Variants in PLEKHA8 observed in about 807,000 individuals in gnomAD.
The protein encoded by PLEKHA8 is pleckstrin homology domain containing A8, also known as pleckstrin homology domain-containing family A member 8.
A neutral mutation model predicts 68.2 loss-of-function variants in PLEKHA8; 36 were observed. The observed-to-expected ratio is 0.53, with a 90% CI of 0.40 to 0.70. The LOEUF (loss-of-function observed/expected upper bound fraction) is 0.70, where lower values mean the gene tolerates loss of function less well. Among genes scored for constraint, PLEKHA8 ranks in the 30% least tolerant of loss-of-function variants. The pLI is 0.00. For missense variants in PLEKHA8, 505 were observed against 615.4 expected (o/e 0.82, Z 1.90); for synonymous variants, 211 against 216.1 (o/e 0.98, Z 0.20).
At chr7:30,037,392 C>G (rs1791184316) in intron 1 of PLEKHA8, among the ~76,000 whole-genome samples, 2 of 152,084 alleles carry the variant, frequency 1.3e-5, no homozygotes, top group African/African-American at 4.8e-5. Flanking sequence ...TGGTCTTGAA[C>G]TCCTGGCCTC....
At chr7:30,060,596 C>T (rs1008373280) in intron 9 of PLEKHA8, among the ~76,000 whole-genome samples, 4 of 152,084 alleles carry the variant, frequency 2.6e-5, no homozygotes, top group African/African-American at 7.2e-5. Context: ...TGGTGGCTAC[C>T]ATATTGGACA....
At chr7:30,073,314 T>TA (rs1030001719) in intron 12 of PLEKHA8, among the ~76,000 whole-genome samples, 24 of 152,208 alleles carry the variant, frequency 1.6e-4, no homozygotes, top group Admixed American at 3.9e-4. Context: ...AATAGAATGT[T>TA]AAAATTGGAA....
chr7:30,060,018 T>A (rs986966983), intron 9 of PLEKHA8, among the ~76,000 whole-genome samples: 6 of 151,548 alleles, frequency 4.0e-5, no homozygotes, highest in Non-Finnish European at 8.8e-5. Context: ...ATGCCTGTAA[T>A]CCCAGTTACC....
At chr7:30,045,041 TACAC>T (rs1246149046) in intron 1 of PLEKHA8, 40 bp from the exon 2 acceptor site, 1 of 1,392,438 alleles carries the variant, frequency 7.2e-7, no homozygotes, top group Non-Finnish European at 1.0e-6. Flanking sequence ...AGGTAGTTCA[TACAC>T]AGGCAGTAAT....
chr7:30,123,320 G>T (rs1796723005), intron 13 of PLEKHA8, among the ~76,000 whole-genome samples: 1 of 152,190 alleles, frequency 6.6e-6, no homozygotes, highest in Non-Finnish European at 1.5e-5. Flanking sequence ...TAAACCTTAG[G>T]TCATTTGAAT....
At chr7:30,075,857 A>G (rs1222420322) in intron 13 of PLEKHA8, among the ~76,000 whole-genome samples, 1 of 152,146 alleles carries the variant, frequency 6.6e-6, no homozygotes, top group Non-Finnish European at 1.5e-5. Context: ...CCTGTACTTT[A>G]ATGGATGCAA....
chr7:30,078,841 T>G lies in PLEKHA8; in HGVS notation c.*54T>G, dbSNP rs1002501418. ...AGGGAATAAGTGCTAAAGTGTTTTG[T>G]TGCCCTACTTAATTTCCAGCAACAG... On this transcript the variant is annotated 3_prime_UTR_variant, in exon 14 of 14. Coordinates refer to ENST00000449726, the MANE Select transcript of PLEKHA8 (RefSeq NM_001197026.2). The G allele has an allele frequency of 5.7e-6, 9 of 1,567,460 alleles. No individual in the cohort carries two copies. The African/African-American group carries it at 1.2e-4, about 21-fold the overall frequency.
chr7:30,097,826 C>T (rs907393896), intron 13 of PLEKHA8, among the ~76,000 whole-genome samples: 16 of 152,302 alleles, frequency 1.1e-4, no homozygotes, highest in Admixed American at 8.5e-4. Context: ...TCTCTCAACT[C>T]GTCAAAGTCA....
At chr7:30,102,845 G>A (rs1056223524) in intron 13 of PLEKHA8, among the ~76,000 whole-genome samples, 12 of 152,358 alleles carry the variant, frequency 7.9e-5, no homozygotes, top group African/African-American at 2.9e-4. Flanking sequence ...CCAAGGCCCG[G>A]AGTTCCAGAC....
intron 13 of PLEKHA8, among the ~76,000 whole-genome samples, chr7:30,111,797 A>G (rs1271642347): frequency 6.6e-6 from 1 of 152,068 alleles, no homozygotes; most frequent in Non-Finnish European, 1.5e-5. Context: ...TTTTGTATGG[A>G]ATGATACATT....
chr7:30,107,828 G>A lies in PLEKHA8; in HGVS notation c.1363-21438G>A, dbSNP rs567793201. On this transcript the variant is annotated intron_variant, in intron 13 of 13. Transcript: ENST00000396257. Reference sequence around the variant, plus strand: ...TCATGCCTGTAATCCCAGTACTTTGGGAGGCCAAGGTGGGCAGATCACCTG... The same window carrying A: ...TCATGCCTGTAATCCCAGTACTTTGAGAGGCCAAGGTGGGCAGATCACCTG... 2.0e-5 allele frequency among the ~76,000 whole-genome samples: 3 copies of A among 152,034 alleles called. No homozygotes were observed. The South Asian group carries it at 6.2e-4, about 32-fold the overall frequency.
chr7:30,099,604 G>A (rs998570263), intron 13 of PLEKHA8, among the ~76,000 whole-genome samples: 15 of 152,128 alleles, frequency 9.9e-5, no homozygotes, highest in African/African-American at 1.4e-4. Context: ...CAGCCTCATC[G>A]ACTTTTGTAG....
intron 13 of PLEKHA8, among the ~76,000 whole-genome samples, chr7:30,113,834 G>T (rs1377664141): frequency 6.6e-6 from 1 of 151,318 alleles, no homozygotes; most frequent in Non-Finnish European, 1.5e-5. Flanking sequence ...CTTCTTTTCA[G>T]CTTACAAACT....
intron 4 of PLEKHA8, among the ~76,000 whole-genome samples, chr7:30,048,536 C>T (rs940597085): frequency 6.6e-6 from 1 of 152,128 alleles, no homozygotes; most frequent in Non-Finnish European, 1.5e-5. Context: ...TTTATTAATA[C>T]AGTCATTATT....
At chr7:30,117,941 A>G (rs762412452) in intron 13 of PLEKHA8, 3 of 1,474,512 alleles carry the variant, frequency 2.0e-6, no homozygotes, top group Non-Finnish European at 2.7e-6. Flanking sequence ...AAAAATTTAA[A>G]AACTGAGACG....
At chr7:30,112,477 C>T (rs898180672) in intron 13 of PLEKHA8, among the ~76,000 whole-genome samples, 10 of 151,748 alleles carry the variant, frequency 6.6e-5, no homozygotes, top group Non-Finnish European at 1.0e-4. Context: ...AAGAGTGTGA[C>T]TACAATACAT....
At chr7:30,087,177 A>T (rs1354439727), downstream of PLEKHA8, among the ~76,000 whole-genome samples, 1 of 152,224 alleles carries the variant, frequency 6.6e-6, no homozygotes, top group African/African-American at 2.4e-5. Flanking sequence ...AGAGTCTTTT[A>T]TGAGATCACC....
chr7:30,118,087 A>G (rs1583490168), intron 13 of PLEKHA8: 2 of 1,407,618 alleles, frequency 1.4e-6, no homozygotes, highest in Admixed American at 5.8e-5. Context: ...CATCTGGGTG[A>G]CGCCTCTCTC....
At chr7:30,066,434 A>G (rs762387797) in intron 12 of PLEKHA8, among the ~76,000 whole-genome samples, 2 of 152,254 alleles carry the variant, frequency 1.3e-5, no homozygotes, top group Admixed American at 6.5e-5. Context: ...CCCTTTTTGC[A>G]CTTGAGCCAT....
Sources: gnomAD v4.1 joint callset for allele counts (sites outside exome capture counted in the v4.1 genomes callset) on GRCh38, gnomAD v4.1.1 for gene constraint, MANE v1.5 for transcripts, NCBI Gene and HGNC (gene_info 2026-07-23, HGNC 2026-07-21) for gene names.